The following PLCB1 variants were observed in gnomAD, a reference collection of about 807,000 sequenced individuals.
PLCB1 encodes the protein phospholipase C beta 1.
A neutral mutation model predicts 161.8 loss-of-function variants in PLCB1; 46 were observed. The ratio of observed to expected loss-of-function variants is 0.28; its 90% confidence interval spans 0.22 to 0.36. PLCB1 has a LOEUF of 0.36. PLCB1 is among the 10% of genes least tolerant of loss of function. The pLI is 1.00. For missense variants in PLCB1, 1,016 were observed against 1,472.5 expected (o/e 0.69, Z 5.07); for synonymous variants, 517 against 503.7 (o/e 1.03, Z -0.35).
intron 3 of PLCB1, among the ~76,000 whole-genome samples, chr20:8,513,219 C>G (rs961442100): frequency 2.6e-5 from 4 of 152,150 alleles, no homozygotes; most frequent in Non-Finnish European, 4.4e-5. Flanking sequence ...AAGAAACTTT[C>G]AGTAGTGTTG....
chr20:8,507,972 G>T (rs1339219895), intron 3 of PLCB1, among the ~76,000 whole-genome samples: 1 of 152,172 alleles, frequency 6.6e-6, no homozygotes, highest in East Asian at 1.9e-4. Context: ...GGCTTTTGCA[G>T]CATCTAACAC....
chr20:8,614,275 CCTGCAATTA>C (rs1987986966), intron 3 of PLCB1, among the ~76,000 whole-genome samples: 1 of 151,782 alleles, frequency 6.6e-6, no homozygotes, highest in Admixed American at 6.6e-5. Context: ...TACCTTTGGC[CCTGCAATTA>C]CACACCAGGA....
intron 2 of PLCB1, among the ~76,000 whole-genome samples, chr20:8,210,261 A>G (rs1373243313): frequency 3.3e-5 from 5 of 152,130 alleles, no homozygotes; most frequent in Non-Finnish European, 7.4e-5. Context: ...TTTTTCATAA[A>G]TGTACATGCT....
At chr20:8,390,580 T>C (rs1987557978) in intron 3 of PLCB1, among the ~76,000 whole-genome samples, 3 of 152,214 alleles carry the variant, frequency 2.0e-5, no homozygotes, top group Admixed American at 6.5e-5. Flanking sequence ...TGGTTTAATA[T>C]AGAAAAGTAG....
At chr20:8,698,232 A>G (rs1990623445) in intron 11 of PLCB1, among the ~76,000 whole-genome samples, 1 of 152,146 alleles carries the variant, frequency 6.6e-6, no homozygotes, top group Non-Finnish European at 1.5e-5. Context: ...TGTCCCGTTT[A>G]CCCTCAGAGG....
Position 8,633,584 on chromosome 20 carries a change from C to G in PLCB1, c.384+5153C>G, listed in dbSNP as rs141727348. 9.4e-3 allele frequency among the ~76,000 whole-genome samples: 1,431 copies of G among 152,176 alleles called. 25 individuals carry two copies. The highest frequency in any genetic ancestry group is 0.033 in the African/African-American group (1,356 of 41,518). The stretch of plus-strand genomic sequence containing the variant: ...ATGGACAGTCCAACATAAAAAGAAT[C>G]AGAAAAACAGAAGCTGAGAGGAGGC... On this transcript the variant is annotated intron_variant, in intron 4 of 31. Coordinates refer to ENST00000338037, the MANE Select transcript of PLCB1 (RefSeq NM_015192.4).
intron 3 of PLCB1, among the ~76,000 whole-genome samples, chr20:8,536,660 T>C (rs1390937992): frequency 6.6e-6 from 1 of 152,004 alleles, no homozygotes; most frequent in Non-Finnish European, 1.5e-5. Flanking sequence ...GACAGCAGAG[T>C]AGCCAGGTCT....
chr20:8,846,908 C>T (rs963771739), intron 31 of PLCB1, among the ~76,000 whole-genome samples: 7 of 152,182 alleles, frequency 4.6e-5, no homozygotes, highest in Non-Finnish European at 1.0e-4. Flanking sequence ...CTCCACTACA[C>T]TGACACCTTG....
intron 3 of PLCB1, among the ~76,000 whole-genome samples, chr20:8,393,663 AG>A (rs1246632950): frequency 1.3e-5 from 2 of 152,136 alleles, no homozygotes; most frequent in Admixed American, 1.3e-4. Flanking sequence ...GGAAATGCTA[AG>A]GGTTCCTTTA....
At chr20:8,167,015 T>C in intron 2 of PLCB1, among the ~76,000 whole-genome samples, 1 of 152,212 alleles carries the variant, frequency 6.6e-6, no homozygotes, top group Non-Finnish European at 1.5e-5. Context: ...CTTGTCCGTG[T>C]TTAAGACCTG....
At chr20:8,727,997 C>T (rs147645887) in intron 17 of PLCB1, among the ~76,000 whole-genome samples, 1 of 152,066 alleles carries the variant, frequency 6.6e-6, no homozygotes, top group African/African-American at 2.4e-5. Context: ...CAGTAAATAT[C>T]ACAAAGTGCT....
chr20:8,508,483 A>G (rs1170877375), intron 3 of PLCB1, among the ~76,000 whole-genome samples: 2 of 152,214 alleles, frequency 1.3e-5, no homozygotes, highest in Non-Finnish European at 2.9e-5. Flanking sequence ...CCGGTTGTTC[A>G]TCTTTAGATG....
intron 5 of PLCB1, 92 bp from the exon 6 acceptor site, chr20:8,647,808 A>G: frequency 1.0e-6 from 1 of 959,510 alleles, no homozygotes; most frequent in Non-Finnish European, 1.7e-6. Flanking sequence ...AAAATGTACA[A>G]AGGCATGGGC....
At chr20:8,219,976 T>C (rs1038345439) in intron 2 of PLCB1, among the ~76,000 whole-genome samples, 2 of 152,190 alleles carry the variant, frequency 1.3e-5, no homozygotes, top group African/African-American at 4.8e-5. Context: ...CTTTGTGCTC[T>C]TGTTAACTAA....
chr20:8,523,367 A>G (rs1250707142), intron 3 of PLCB1, among the ~76,000 whole-genome samples: 1 of 147,688 alleles, frequency 6.8e-6, no homozygotes, highest in African/African-American at 2.5e-5. Flanking sequence ...GTCAAGAGGA[A>G]GTTTTGCAAA....
At chr20:8,259,892 T>C (rs916845656) in intron 2 of PLCB1, among the ~76,000 whole-genome samples, 6 of 152,140 alleles carry the variant, frequency 3.9e-5, no homozygotes, top group Admixed American at 6.5e-5. Flanking sequence ...ACATTGATTT[T>C]CCTGAAGTTG....
intron 3 of PLCB1, among the ~76,000 whole-genome samples, chr20:8,547,218 G>A (rs1169567510): frequency 6.6e-6 from 1 of 152,154 alleles, no homozygotes; most frequent in Non-Finnish European, 1.5e-5. Flanking sequence ...TGTTCAGTCT[G>A]TCATCTTACG....
At chr20:8,631,206 C>T (rs6086542) in intron 4 of PLCB1, among the ~76,000 whole-genome samples, 21,956 of 152,224 alleles carry the variant, frequency 0.14, 1,582 homozygotes, top group Middle Eastern at 0.21. Flanking sequence ...GGAGCCTGAG[C>T]ATCTTCATTT....
At chr20:8,802,163 C>T (rs1984315311) in intron 31 of PLCB1, 4 of 1,597,122 alleles carry the variant, frequency 2.5e-6, no homozygotes, top group Non-Finnish European at 3.4e-6. Flanking sequence ...GACCACCGTC[C>T]TTCCGGCCAG....
Sources: allele counts gnomAD v4.1 joint callset (sites outside exome capture counted in the v4.1 genomes callset), GRCh38; gene constraint gnomAD v4.1.1; transcripts MANE v1.5; gene names NCBI Gene and HGNC (gene_info 2026-07-23, HGNC 2026-07-21).